Variants in CCDC167 observed in about 807,000 individuals in gnomAD.
The protein encoded by CCDC167 is coiled-coil domain containing 167.
A neutral mutation model predicts 12.7 loss-of-function variants in CCDC167; 15 were observed. The ratio of observed to expected loss-of-function variants is 1.18; its 90% CI spans 0.79 to 1.81. The LOEUF (loss-of-function observed/expected upper bound fraction) is 1.81, where lower values mean the gene tolerates loss of function less well. Among genes scored for constraint, CCDC167 ranks in the 40% most tolerant of loss-of-function variants. The pLI is 0.00. For synonymous variants in CCDC167, 52 were observed against 49.0 expected (o/e 1.06, Z -0.26); for missense variants, 121 against 120.1 (o/e 1.01, Z -0.03).
intron 1 of CCDC167, among the ~76,000 whole-genome samples, chr6:37,498,197 G>A (rs1762120962): frequency 6.6e-6 from 1 of 152,164 alleles, no homozygotes; most frequent in African/African-American, 2.4e-5. Context: ...CTCTAGAAGA[G>A]ACCATGTCTC....
rs1437507777 is a variant in CCDC167, at chr6:37,499,849, C to T, written c.15G>A (p.Lys5=). ...CTAGAGCGACGCCCAGATTCTCCCGCTTCTTTTTAGTCATGTTACTTGCCG... is the reference window on the plus strand; with the variant it reads ...CTAGAGCGACGCCCAGATTCTCCCGTTTCTTTTTAGTCATGTTACTTGCCG... The part of the protein sequence containing the change: MTKK[K]RENLGVALEI... The change falls in exon 1 of 4, where the codon AAG becomes AAA. Residue 5 remains lysine (K), a synonymous_variant. Coordinates refer to ENST00000373408, the MANE Select transcript of CCDC167 (RefSeq NM_138493.3). The T allele has an allele frequency of 1.2e-6, 2 of 1,614,172 alleles. No homozygotes were observed. Among genetic ancestry groups the T allele is most frequent in the Non-Finnish European group, 8.5e-7 (1 of 1,180,026 alleles).
intron 3 of CCDC167, 151 bp downstream of exon 3, chr6:37,484,659 C>T (rs1761918138): frequency 2.4e-6 from 2 of 818,402 alleles, no homozygotes; most frequent in African/African-American, 1.7e-5. Flanking sequence ...GGCTGCTGGA[C>T]CTAGCAGGGG....
chr6:37,493,297 T>G (rs1003306073), intron 1 of CCDC167, among the ~76,000 whole-genome samples: 1 of 152,206 alleles, frequency 6.6e-6, no homozygotes, highest in Non-Finnish European at 1.5e-5. Flanking sequence ...CGGAAGGTGG[T>G]GTGGGGTTTG....
intron 1 of CCDC167, among the ~76,000 whole-genome samples, chr6:37,488,400 C>T (rs992281116): frequency 6.6e-6 from 1 of 152,204 alleles, no homozygotes; most frequent in African/African-American, 2.4e-5. Flanking sequence ...ACGGATTATG[C>T]ACTTTGCAGA....
chr6:37,494,805 A>ATTTTTTTTTTTTTTTTT lies in CCDC167; in HGVS notation c.42+5016_42+5017insAAAAAAAAAAAAAAAAA, dbSNP rs201478338. Reference sequence around the variant, plus strand: ...AATGCCAGTAGCCACCTACCTACAAATTTTTTTTTTTTTTTTGAGACGGGG... The same window carrying ATTTTTTTTTTTTTTTTT: ...AATGCCAGTAGCCACCTACCTACAAATTTTTTTTTTTTTTTTTTTTTTTTTTTTTTTTTGAGACGGGG... On this transcript the variant is annotated intron_variant, in intron 1 of 3. Coordinates refer to ENST00000373408, the MANE Select transcript of CCDC167 (RefSeq NM_138493.3). 1.4e-4 allele frequency among the ~76,000 whole-genome samples: 16 copies of ATTTTTTTTTTTTTTTTT among 115,216 alleles called. 2 individuals are homozygous for ATTTTTTTTTTTTTTTTT. The highest frequency in any genetic ancestry group is 3.9e-4 in the African/African-American group (10 of 25,614). The allele number at this position is 115,216 out of a possible 152,430, so 75.6% of individuals were successfully genotyped here.
At chr6:37,492,957 C>G (rs1417874870) in intron 1 of CCDC167, among the ~76,000 whole-genome samples, 1 of 152,202 alleles carries the variant, frequency 6.6e-6, no homozygotes. Flanking sequence ...TCTGTGGAGG[C>G]GGCTCACAGA....
At chr6:37,497,455 A>G (rs1762111806) in intron 1 of CCDC167, among the ~76,000 whole-genome samples, 1 of 150,220 alleles carries the variant, frequency 6.7e-6, no homozygotes, top group East Asian at 2.0e-4. Flanking sequence ...CAGTTTATCT[A>G]AAAAACCTGT....
chr6:37,494,056 CTTTTTTTTT>C (rs70977666), intron 1 of CCDC167, among the ~76,000 whole-genome samples: 18 of 91,376 alleles, frequency 2.0e-4, no homozygotes, highest in Admixed American at 4.7e-4. Context: ...GTGATCCTGC[CTTTTTTTTT>C]TTTTTTTTTT....
At position 37,484,818 on chromosome 6, in the gene CCDC167, G is replaced by C; in HGVS notation, c.182C>G (p.Ser61Cys). 1 of 1,614,254 alleles carries C rather than the reference G, an allele frequency of 6.2e-7. No homozygotes were observed. The highest frequency in any genetic ancestry group is 1.1e-5 in the South Asian group (1 of 91,086). Residue 61 changes from serine (S) to cysteine (C), a missense_variant, in exon 3 of 4, where the codon TCC becomes TGC. Physicochemically the swap from Ser to Cys is moderately radical, Grantham distance 112 (BLOSUM62 -1). Coordinates refer to ENST00000373408, the MANE Select transcript of CCDC167 (RefSeq NM_138493.3). The part of the protein sequence containing the change: ...KEKNSLMNKA[S>C]NYEKELKFLR... ...GAAAGGAACTTTCTTACCGTAGTTG[G>C]AGGCTTTGTTCATTAGGCTGTTTTT...
intron 1 of CCDC167, among the ~76,000 whole-genome samples, chr6:37,497,757 G>A (rs920823805): frequency 3.9e-5 from 6 of 152,216 alleles, no homozygotes; most frequent in African/African-American, 1.4e-4. Flanking sequence ...GGCTGTGTCG[G>A]GGGAAGGTGG....
intron 1 of CCDC167, among the ~76,000 whole-genome samples, chr6:37,495,025 C>T (rs1762082026): frequency 6.6e-6 from 1 of 152,066 alleles, no homozygotes; most frequent in Admixed American, 6.5e-5. Flanking sequence ...GTCTCGAACT[C>T]CTGACCTCAA....
chr6:37,490,646 G>C (rs79676513), intron 1 of CCDC167, among the ~76,000 whole-genome samples: 2,354 of 152,230 alleles, frequency 0.015, 57 homozygotes, highest in African/African-American at 0.054. Context: ...CCACAGAGGG[G>C]GTGTTCTGTG....
At chr6:37,485,967 T>C (rs911499855) in intron 1 of CCDC167, among the ~76,000 whole-genome samples, 2 of 152,228 alleles carry the variant, frequency 1.3e-5, no homozygotes, top group Admixed American at 1.3e-4. Flanking sequence ...AATAACATAC[T>C]GGACTGGGTT....
rs1477451932 is a variant in CCDC167 at position 37,499,785 on chromosome 6, A to G, written c.42+37T>C. On this transcript the variant is annotated intron_variant, in intron 1 of 3. Coordinates refer to ENST00000373408, the MANE Select transcript of CCDC167 (RefSeq NM_138493.3). ...CTTATCCCGCGGCCAGGAGAAGGCAACTAACGAGGTGGCCCAACCCCCACT... is the reference window on the plus strand; with the variant it reads ...CTTATCCCGCGGCCAGGAGAAGGCAGCTAACGAGGTGGCCCAACCCCCACT... 2.5e-6 allele frequency: 4 copies of G among 1,610,440 alleles called. No individual in the cohort carries two copies. In the Admixed American group the frequency reaches 5.0e-5, roughly 20 times the overall value.
chr6:37,489,516 G>A (rs893541312), intron 1 of CCDC167, among the ~76,000 whole-genome samples: 2 of 152,226 alleles, frequency 1.3e-5, no homozygotes, highest in South Asian at 2.1e-4. Flanking sequence ...CCAGGGCCAG[G>A]TTGCAGACAT....
rs1410654565 is a variant in CCDC167 at position 37,497,638 on chromosome 6, A to T, written c.42+2184T>A. Among the ~76,000 whole-genome samples, 4 of 152,048 alleles carry T rather than the reference A, an allele frequency of 2.6e-5. No individual in the cohort carries two copies. The East Asian group carries it at 7.7e-4, about 29-fold the overall frequency. On this transcript the variant is annotated intron_variant, in intron 1 of 3. Transcript: ENST00000373408. ...GGAGGCCGAGGTGGGCAGATCACCTAAGGTCAGGAGTTCGAGACCAGCCTG... is the reference window on the plus strand; with the variant it reads ...GGAGGCCGAGGTGGGCAGATCACCTTAGGTCAGGAGTTCGAGACCAGCCTG...
intron 3 of CCDC167, among the ~76,000 whole-genome samples, chr6:37,483,822 T>C (rs1337932371): frequency 6.6e-6 from 1 of 152,150 alleles, no homozygotes; most frequent in Non-Finnish European, 1.5e-5. Context: ...GCAGTTTGTG[T>C]CCATGAGGCA....
chr6:37,487,447 T>C (rs1761958241), intron 1 of CCDC167, among the ~76,000 whole-genome samples: 1 of 152,220 alleles, frequency 6.6e-6, no homozygotes, highest in Non-Finnish European at 1.5e-5. Context: ...TTCTTGTCCA[T>C]AGAAGCTAGA....
chr6:37,496,020 A>G (rs1762093101), intron 1 of CCDC167, among the ~76,000 whole-genome samples: 1 of 152,218 alleles, frequency 6.6e-6, no homozygotes, highest in Non-Finnish European at 1.5e-5. Flanking sequence ...CCAAGCAAAA[A>G]GTAAACTTAG....
Sources: gnomAD v4.1 joint callset for allele counts (sites outside exome capture counted in the v4.1 genomes callset) on GRCh38, gnomAD v4.1.1 for gene constraint, MANE v1.5 for transcripts, NCBI Gene and HGNC (gene_info 2026-07-23, HGNC 2026-07-21) for gene names.